Variants in AGBL4 observed in about 807,000 individuals in gnomAD.
AGBL4 encodes the protein AGBL carboxypeptidase 4, also known as cytosolic carboxypeptidase 6.
A neutral mutation model predicts 66.4 loss-of-function variants in AGBL4; 58 were observed. The observed-to-expected ratio is 0.87, with a 90% CI of 0.71 to 1.09. AGBL4 has a LOEUF of 1.09. AGBL4 is among the 50% of genes least tolerant of loss of function. The pLI, the probability that AGBL4 is intolerant of heterozygous loss-of-function variation, is 0.00. For missense variants in AGBL4, 579 were observed against 631.0 expected (o/e 0.92, Z 0.88); for synonymous variants, 234 against 222.9 (o/e 1.05, Z -0.44).
chr1:49,922,574 G>T (rs1219548640), intron 1 of AGBL4, among the ~76,000 whole-genome samples: 2 of 152,162 alleles, frequency 1.3e-5, no homozygotes, highest in Admixed American at 1.3e-4. Context: ...CAGCCCAAAA[G>T]CTTCTTAAGC....
chr1:49,915,747 C>T (rs1651387520), intron 1 of AGBL4, among the ~76,000 whole-genome samples: 1 of 152,122 alleles, frequency 6.6e-6, no homozygotes, highest in South Asian at 2.1e-4. Context: ...GTGGTTCTCC[C>T]AGCAAGGAGT....
chr1:49,376,456 C>A (rs560113975), intron 3 of AGBL4, among the ~76,000 whole-genome samples: 1 of 152,038 alleles, frequency 6.6e-6, no homozygotes, highest in African/African-American at 2.4e-5. Flanking sequence ...CACAAGGCCA[C>A]ATAAAAGAGT....
intron 4 of AGBL4, among the ~76,000 whole-genome samples, chr1:49,178,489 G>A (rs1002783138): frequency 4.6e-5 from 7 of 152,060 alleles, no homozygotes; most frequent in East Asian, 3.9e-4. Flanking sequence ...TACTTACCAC[G>A]CCATATAGTA....
chr1:50,008,406 C>T (rs1404671481), intron 1 of AGBL4, among the ~76,000 whole-genome samples: 1 of 152,046 alleles, frequency 6.6e-6, no homozygotes, highest in African/African-American at 2.4e-5. Context: ...AACACTGCTC[C>T]TAAATGACCA....
intron 3 of AGBL4, among the ~76,000 whole-genome samples, chr1:49,504,653 C>A (rs1309294158): frequency 6.6e-6 from 1 of 152,008 alleles, no homozygotes; most frequent in Non-Finnish European, 1.5e-5. Flanking sequence ...ATTAAAAATA[C>A]AGCTACCCTT....
intron 6 of AGBL4, among the ~76,000 whole-genome samples, chr1:48,687,392 G>A (rs551776778): frequency 1.3e-5 from 2 of 152,146 alleles, no homozygotes; most frequent in East Asian, 1.9e-4. Context: ...CCGGTGGGCC[G>A]CGGGTGGGCG....
chr1:49,065,591 C>T (rs1190359226), intron 4 of AGBL4, among the ~76,000 whole-genome samples: 1 of 152,204 alleles, frequency 6.6e-6, no homozygotes, highest in African/African-American at 2.4e-5. Context: ...TGAATATCAT[C>T]AAGCAACTGT....
intron 4 of AGBL4, among the ~76,000 whole-genome samples, chr1:49,242,906 G>C (rs868334224): frequency 6.6e-6 from 1 of 151,450 alleles, no homozygotes; most frequent in African/African-American, 2.4e-5. Context: ...ATTAACTACC[G>C]GTCTATGCTA....
At chr1:49,392,698 TACACAC>T (rs55786055) in intron 3 of AGBL4, among the ~76,000 whole-genome samples, 7,465 of 147,110 alleles carry the variant, frequency 0.051, 202 homozygotes, top group African/African-American at 0.079. Context: ...CAACTGTGTA[TACACAC>T]ACACACACAC....
intron 3 of AGBL4, among the ~76,000 whole-genome samples, chr1:49,577,461 T>C (rs904863387): frequency 6.6e-6 from 1 of 152,204 alleles, no homozygotes; most frequent in African/African-American, 2.4e-5. Flanking sequence ...GCACCATTCC[T>C]TAGGCTGATC....
intron 6 of AGBL4, among the ~76,000 whole-genome samples, chr1:48,684,469 C>A (rs1465713177): frequency 6.6e-6 from 1 of 152,154 alleles, no homozygotes; most frequent in Non-Finnish European, 1.5e-5. Context: ...TTTGACTGGG[C>A]TATTCAACTA....
intron 3 of AGBL4, among the ~76,000 whole-genome samples, chr1:49,258,241 C>G (rs1341272606): frequency 1.3e-5 from 2 of 152,170 alleles, no homozygotes; most frequent in Admixed American, 6.5e-5. Flanking sequence ...CTCTAAAAAG[C>G]AGAGCGCCTC....
At chr1:49,848,916 A>G (rs1252977383) in intron 2 of AGBL4, among the ~76,000 whole-genome samples, 4 of 152,174 alleles carry the variant, frequency 2.6e-5, no homozygotes, top group African/African-American at 9.7e-5. Context: ...TTCCTAATCA[A>G]TCACTTTTAA....
chr1:49,399,126 C>A (rs1645032020), intron 3 of AGBL4, among the ~76,000 whole-genome samples: 1 of 152,142 alleles, frequency 6.6e-6, no homozygotes, highest in African/African-American at 2.4e-5. Flanking sequence ...GCTTATTTCA[C>A]TTAACAAAAT....
intron 5 of AGBL4, among the ~76,000 whole-genome samples, chr1:48,931,227 T>C (rs1655011235): frequency 1.3e-5 from 2 of 152,360 alleles, no homozygotes; most frequent in South Asian, 4.1e-4. Context: ...GCAAAATCTC[T>C]AATACTAAAG....
At chr1:49,245,910 G>A in intron 3 of AGBL4, 46 bp from the exon 4 acceptor site, 2 of 1,360,680 alleles carry the variant, frequency 1.5e-6, no homozygotes, top group South Asian at 2.5e-5. Context: ...TATGCAAATT[G>A]TAACTTCCTG....
intron 6 of AGBL4, among the ~76,000 whole-genome samples, chr1:48,851,322 T>C (rs894789123): frequency 3.3e-5 from 5 of 152,138 alleles, no homozygotes; most frequent in African/African-American, 9.7e-5. Context: ...CCAAGAGATT[T>C]TGAGTAAAAA....
At chr1:49,039,173 A>G (rs1664904953) in intron 5 of AGBL4, among the ~76,000 whole-genome samples, 1 of 152,110 alleles carries the variant, frequency 6.6e-6, no homozygotes, top group South Asian at 2.1e-4. Context: ...AGTGGTTGAC[A>G]GGGGTTATGG....
chr1:49,942,438 T>C (rs1654846945), intron 1 of AGBL4, among the ~76,000 whole-genome samples: 1 of 151,962 alleles, frequency 6.6e-6, no homozygotes, highest in South Asian at 2.1e-4. Context: ...TCAAAACATA[T>C]GATAAACCTG....
Sources: gnomAD v4.1 joint callset for allele counts (sites outside exome capture counted in the v4.1 genomes callset) on GRCh38, gnomAD v4.1.1 for gene constraint, MANE v1.5 for transcripts, NCBI Gene and HGNC (gene_info 2026-07-23, HGNC 2026-07-21) for gene names.